Variants in BRD2 observed in about 807,000 individuals in gnomAD.
BRD2 encodes the protein bromodomain-containing protein 2.
Under a neutral mutation model 79.1 loss-of-function variants are expected in BRD2, and 15 were observed. The observed-to-expected ratio is 0.19, with a 90% CI of 0.13 to 0.29. BRD2 has a LOEUF of 0.29. BRD2 is among the 10% of genes least tolerant of loss of function. The pLI, the probability that BRD2 is intolerant of heterozygous loss-of-function variation, is 1.00. For synonymous variants in BRD2, 488 were observed against 358.6 expected (o/e 1.36, Z -4.08); for missense variants, 1,053 against 991.3 (o/e 1.06, Z -0.84).
chr6:32,980,220 C>T, intron 11 of BRD2, 88 bp downstream of exon 11: 1 of 1,574,604 alleles, frequency 6.4e-7, no homozygotes, highest in Middle Eastern at 1.7e-4. Context: ...TTGTCAGCTC[C>T]CAGGATAATG....
rs1287500847 is a variant in BRD2, at chr6:32,974,549, G to A, written c.117G>A (p.Leu39=). 1 of 1,614,222 alleles carries A rather than the reference G, an allele frequency of 6.2e-7. No individual in the cohort carries two copies. The highest frequency in any genetic ancestry group is 8.5e-7 in the Non-Finnish European group (1 of 1,180,038). The change falls in exon 3 of 13, where the codon TTG becomes TTA. Residue 39 remains leucine, a synonymous_variant. Transcript: ENST00000374825. ...PGKRIRKPSL[L]YEGFESPTMA... ...AGAGGATTCGAAAACCCTCTCTCTT[G>A]TATGAGGGCTTTGAGAGCCCCACAA... is the stretch of plus-strand genomic sequence containing the variant.
intron 1 of BRD2, 109 bp downstream of exon 1, chr6:32,969,165 A>C: frequency 4.1e-6 from 2 of 493,406 alleles, no homozygotes. Context: ...GAGAGTGGGA[A>C]GATTTGTCCT....
At position 32,978,146 on chromosome 6, in the gene BRD2, A is replaced by G. The variant is rs191317139; in HGVS notation, c.1599A>G (p.Gln533=). 74 of 1,612,412 alleles carry G rather than the reference A, an allele frequency of 4.6e-5. No individual in the cohort carries two copies. The Admixed American group carries it at 8.5e-4, about 19-fold the overall frequency. Residue 533 remains glutamine (Q), a synonymous_variant, in exon 10 of 13, where the codon CAA becomes CAG. Coordinates refer to ENST00000374825, the MANE Select transcript of BRD2 (RefSeq NM_005104.4). ...TTTAGCTTCGGGCAGTACATGAACA[A>G]CTGGCTGCTCTGTCCCAGGGTCCAA... ...LQEQLRAVHE[Q]LAALSQGPIS... is the part of the protein sequence containing the mutation.
intron 7 of BRD2, 112 bp downstream of exon 7, chr6:32,977,048 C>G (rs898225529): frequency 6.5e-6 from 9 of 1,392,124 alleles, no homozygotes; most frequent in Non-Finnish European, 7.7e-6. Flanking sequence ...TGGCATTTTA[C>G]TTTTATAAAA....
In BRD2 at chr6:32,980,666, C is replaced by G. The variant is rs780590511; in HGVS notation, c.2354C>G (p.Ser785Cys). The G allele has an allele frequency of 3.0e-5, 49 of 1,613,028 alleles. No individual in the cohort carries two copies. In the East Asian group the frequency reaches 1.0e-3, roughly 33 times the overall value. The part of the protein sequence containing the change: ...SASSSSSDSS[S>C]SSSSSSSSDT... ...TCCAGCTCCAGCTCAGATTCCAGCT[C>G]CTCCTCTTCCTCGTCGTCGTCTTCA... Residue 785 changes from serine to cysteine, a missense_variant, in exon 13 of 13, where the codon TCC (serine) becomes TGC (cysteine). Ser to Cys is a moderately radical substitution (Grantham distance 112). Transcript: ENST00000374825.
rs1180907684 is a variant in BRD2, at chr6:32,981,227, CT to C, written c.*510del. ...TTTTCCTTCCGCTCCATTTGGGGCC[CT>C]GGGGGTTTCAGTCATCTCCCCATTT... On this transcript the variant is annotated 3_prime_UTR_variant, in exon 13 of 13. Transcript: ENST00000374825. The C allele has an allele frequency of 6.5e-6, 1 of 153,852 alleles. No individual in the cohort carries two copies. The highest frequency in any genetic ancestry group is 1.4e-5 in the Non-Finnish European group (1 of 69,202). The allele number at this position is 153,852 out of a possible 1,614,324, so 9.5% of individuals were successfully genotyped here.
rs751925867 is a variant in BRD2, at chr6:32,978,372, G to A, written c.1825G>A (p.Gly609Arg). The A allele has an allele frequency of 6.2e-7, 1 of 1,612,426 alleles. No homozygotes were observed. Among genetic ancestry groups the A allele is most frequent in the Non-Finnish European group, 8.5e-7 (1 of 1,179,806 alleles). The change falls in exon 10 of 13, where the codon GGA becomes AGA. Residue 609 changes from glycine to arginine, a missense_variant. By Grantham distance (125) the Gly-to-Arg change is moderately radical. Around this residue, in one of 5 missense-constraint regions of BRD2, gnomAD observed 454 missense variants for 430.5 expected, o/e 1.05. Coordinates refer to ENST00000374825, the MANE Select transcript of BRD2 (RefSeq NM_005104.4). Reference sequence around the variant, plus strand: ...AGGCCCTTCTGGCTTTGGACCTTCTGGAGGAAGTGGCACCAAGTGAGTTAG... The same window carrying A: ...AGGCCCTTCTGGCTTTGGACCTTCTAGAGGAAGTGGCACCAAGTGAGTTAG... The part of the protein sequence containing the change: ...ALGPSGFGPS[G>R]GSGTKLPKKA...
Position 32,974,660 on chromosome 6 carries a change from C to G in BRD2, c.228C>G (p.Thr76=). ...ATCCCAAAAAGCCAGGACGAGTTAC[C>G]AACCAGCTGCAATACCTACACAAGG... ...VSNPKKPGRV[T]NQLQYLHKVV... The change falls in exon 3 of 13, where the codon ACC becomes ACG. Residue 76 remains threonine (T), a synonymous_variant. Coordinates refer to ENST00000374825, the MANE Select transcript of BRD2 (RefSeq NM_005104.4). The G allele has an allele frequency of 6.2e-7, 1 of 1,614,246 alleles. No individual in the cohort carries two copies. Among genetic ancestry groups the G allele is most frequent in the South Asian group, 1.1e-5 (1 of 91,084 alleles).
chr6:32,975,196 C>T lies in BRD2; in HGVS notation c.334-188C>T, dbSNP rs976174727. The T allele has an allele frequency of 1.0e-5, 13 of 1,295,006 alleles. No homozygotes were observed. The African/African-American group carries it at 2.0e-4, about 20-fold the overall frequency. 80.2% of individuals were successfully genotyped at this position (1,295,006 alleles called of 1,614,324 possible). On this transcript the variant is annotated intron_variant, in intron 3 of 12. Transcript: ENST00000374825. ...GCAGCAGGGGCCTCCCTGTGGATGTCAAGAATCTTTTTTATTTATTTATTT... is the reference window on the plus strand; with the variant it reads ...GCAGCAGGGGCCTCCCTGTGGATGTTAAGAATCTTTTTTATTTATTTATTT...
rs1302153309 is a variant in BRD2, at chr6:32,972,375, C to T, written c.-524C>T. On this transcript the variant is annotated 5_prime_UTR_variant, in exon 2 of 13. Coordinates refer to ENST00000374825, the MANE Select transcript of BRD2 (RefSeq NM_005104.4). ...GGCAGTACAGACCCCCTAGAAGCCC[C>T]TGGAGCTCCCCTTTTTCGGGCCCCG... is the stretch of plus-strand genomic sequence containing the variant. 1.6e-5 allele frequency: 5 copies of T among 304,918 alleles called. No individual in the cohort carries two copies. Among genetic ancestry groups the T allele is most frequent in the African/African-American group, 4.5e-5 (2 of 44,824 alleles). The allele number at this position is 304,918 out of a possible 1,614,324, so 18.9% of individuals were successfully genotyped here.
rs1450336353 is a variant in BRD2 at position 32,974,236 on chromosome 6, TAAG to T, written c.30-222_30-220del. On this transcript the variant is annotated intron_variant, in intron 2 of 12. Coordinates refer to ENST00000374825, the MANE Select transcript of BRD2 (RefSeq NM_005104.4). ...AAGAACAGATAGAGCCTATCAGACT[TAAG>T]AAGGTGGGATCTAGATAGTATACTA... Among the ~76,000 whole-genome samples, 12 of 152,294 alleles carry T rather than the reference TAAG, an allele frequency of 7.9e-5. No homozygotes were observed. In the South Asian group the frequency reaches 8.3e-4, roughly 11 times the overall value.
Position 32,974,717 on chromosome 6 carries a change from C to G in BRD2, c.285C>G (p.Phe95Leu). Residue 95 changes from phenylalanine to leucine, a missense_variant, in exon 3 of 13, where the codon TTC (phenylalanine) becomes TTG (leucine). This residue lies in a region of BRD2 where 413 missense variants were observed against 335.1 expected (regional missense o/e 1.23). Coordinates refer to ENST00000374825, the MANE Select transcript of BRD2 (RefSeq NM_005104.4). Reference sequence around the variant, plus strand: ...TGAAGGCTCTGTGGAAACATCAGTTCGCATGGCCATTCCGGCAGCCTGTGG... The same window carrying G: ...TGAAGGCTCTGTGGAAACATCAGTTGGCATGGCCATTCCGGCAGCCTGTGG... ...VVMKALWKHQ[F>L]AWPFRQPVDA... 1.2e-6 allele frequency: 2 copies of G among 1,614,160 alleles called. No individual in the cohort carries two copies. Among genetic ancestry groups the G allele is most frequent in the Non-Finnish European group, 8.5e-7 (1 of 1,180,014 alleles).
rs1437480009 is a variant in BRD2, at chr6:32,976,613, A to T, written c.877A>T (p.Ile293Phe). Residue 293 changes from isoleucine to phenylalanine, a missense_variant, in exon 7 of 13, where the codon ATC becomes TTC. Physicochemically the swap from Ile to Phe is conservative, Grantham distance 21. Coordinates refer to ENST00000374825, the MANE Select transcript of BRD2 (RefSeq NM_005104.4). Reference protein sequence around the residue: ...ADTTTPTPTAILAPGSPASPP... With the variant: ...ADTTTPTPTAFLAPGSPASPP... Reference sequence around the variant, plus strand: ...TACTACCACCCCTACACCTACAGCCATCTTGGCTCCTGGTTCTCCAGCTAG... The same window carrying T: ...TACTACCACCCCTACACCTACAGCCTTCTTGGCTCCTGGTTCTCCAGCTAG... The T allele has an allele frequency of 2.5e-6, 4 of 1,610,818 alleles. No homozygotes were observed. Among genetic ancestry groups the T allele is most frequent in the African/African-American group, 1.3e-5 (1 of 75,046 alleles).
intron 1 of BRD2, 41 bp from the exon 2 acceptor site, chr6:32,971,554 A>C: frequency 2.2e-6 from 1 of 455,282 alleles, no homozygotes; most frequent in Non-Finnish European, 3.9e-6. Context: ...ATAGAGGAGC[A>C]GGCCGCGGCT....
At chr6:32,979,714 G>T in intron 10 of BRD2, 114 bp from the exon 11 acceptor site, 1 of 1,297,828 alleles carries the variant, frequency 7.7e-7, no homozygotes, top group Non-Finnish European at 1.0e-6. Flanking sequence ...CCATTGAATG[G>T]AAAAACAGAA....
rs536047468 is a variant in BRD2, at chr6:32,976,450, C to A, written c.811C>A (p.Gln271Lys). 1.6e-5 allele frequency: 26 copies of A among 1,609,806 alleles called. No homozygotes were observed. The African/African-American group carries it at 2.1e-4, about 13-fold the overall frequency. Residue 271 changes from glutamine (Q) to lysine (K), a missense_variant, in exon 6 of 13, where the codon CAG (glutamine) becomes AAG (lysine). Coordinates refer to ENST00000374825, the MANE Select transcript of BRD2 (RefSeq NM_005104.4). ...TGCTGTTACTGCAGCTCCTCCAGCC[C>A]AGCCCCTTGCCAAGGTATGATCTGT... ...LLAVTAAPPA[Q>K]PLAKKKGVKR...
At position 32,977,466 on chromosome 6, in the gene BRD2, C is replaced by T. The variant is rs867011739; in HGVS notation, c.1225C>T (p.Arg409Trp). 3.7e-6 allele frequency: 6 copies of T among 1,613,938 alleles called. No homozygotes were observed. Among genetic ancestry groups the T allele is most frequent in the South Asian group, 1.1e-5 (1 of 91,078 alleles). The change falls in exon 8 of 13, where the codon CGG (arginine) becomes TGG (tryptophan). Residue 409 changes from arginine to tryptophan, a missense_variant. Arg to Trp is a moderately radical substitution (Grantham distance 101). Around this residue, in one of 5 missense-constraint regions of BRD2, gnomAD observed 454 missense variants for 430.5 expected, o/e 1.05. Transcript: ENST00000374825. Reference protein sequence around the residue: ...VKRKMENRDYRDAQEFAADVR... With the variant: ...VKRKMENRDYWDAQEFAADVR... ...GCGGAAGATGGAGAACCGTGATTAC[C>T]GGGATGCACAGGAGTTTGCTGCTGA...
rs746548886 is a variant in BRD2 at position 32,974,806 on chromosome 6, A to G, written c.333+41A>G. 8.1e-6 allele frequency: 13 copies of G among 1,595,366 alleles called. No individual in the cohort carries two copies. The African/African-American group carries it at 1.7e-4, about 21-fold the overall frequency. ...GGAGCCGGGGAGGTGTGGGATGAGC[A>G]AGAATGCGTGTGAATGGGGGTGGTC... On this transcript the variant is annotated intron_variant, in intron 3 of 12. Transcript: ENST00000374825.
Position 32,975,459 on chromosome 6 carries a change from G to A in BRD2, c.409G>A (p.Ala137Thr). 6.2e-7 allele frequency: 1 copy of A among 1,612,634 alleles called. No individual in the cohort carries two copies. The highest frequency in any genetic ancestry group is 8.5e-7 in the Non-Finnish European group (1 of 1,179,716). The change falls in exon 4 of 13, where the codon GCT (alanine) becomes ACT (threonine). Residue 137 changes from alanine to threonine, a missense_variant. Ala to Thr is a moderately conservative substitution (Grantham distance 58). Around this residue, in one of 5 missense-constraint regions of BRD2, gnomAD observed 413 missense variants for 335.1 expected, o/e 1.23. Transcript: ENST00000374825. ...GAGACTTGAAAACAATTATTATTGGGCTGCTTCAGAGTGTATGCAAGATTT... is the reference window on the plus strand; with the variant it reads ...GAGACTTGAAAACAATTATTATTGGACTGCTTCAGAGTGTATGCAAGATTT... ...KRRLENNYYWAASECMQDFNT... is the reference protein window; with the variant it reads ...KRRLENNYYWTASECMQDFNT...
Sources: allele counts gnomAD v4.1 joint callset (sites outside exome capture counted in the v4.1 genomes callset), GRCh38; gene constraint gnomAD v4.1.1; regional missense constraint gnomAD v4.1.1; transcripts MANE v1.5; gene names NCBI Gene and HGNC (gene_info 2026-07-23, HGNC 2026-07-21).